FER: variants seen among roughly 807,000 people sequenced by gnomAD.
The protein encoded by FER is tyrosine-protein kinase Fer.
A neutral mutation model predicts 111.0 loss-of-function variants in FER; 63 were observed. The ratio of observed to expected loss-of-function variants is 0.57; its 90% CI spans 0.46 to 0.70. The LOEUF (loss-of-function observed/expected upper bound fraction) is 0.70, where lower values mean the gene tolerates loss of function less well. Ranked by LOEUF, FER falls within the 30% of genes least tolerant of loss-of-function variation. FER has a pLI of 0.00. For synonymous variants in FER, 327 were observed against 313.9 expected (o/e 1.04, Z -0.44); for missense variants, 914 against 954.0 (o/e 0.96, Z 0.55).
chr5:109,036,281 CTTTATA>C (rs1770389825), intron 13 of FER, among the ~76,000 whole-genome samples: 1 of 151,998 alleles, frequency 6.6e-6, no homozygotes, highest in African/African-American at 2.4e-5. Flanking sequence ...ATAGCATTAA[CTTTATA>C]TTTAGGTGAA....
chr5:108,960,248 G>C (rs180939957), intron 13 of FER, among the ~76,000 whole-genome samples: 12 of 152,120 alleles, frequency 7.9e-5, no homozygotes, highest in East Asian at 3.9e-4. Context: ...TAAAAAACAA[G>C]TATTTTATTT....
At chr5:109,165,562 G>C (rs1349442503) in intron 17 of FER, among the ~76,000 whole-genome samples, 1 of 151,716 alleles carries the variant, frequency 6.6e-6, no homozygotes, top group Non-Finnish European at 1.5e-5. Context: ...GGGAAATAAA[G>C]TGCACACCAC....
intron 10 of FER, among the ~76,000 whole-genome samples, chr5:108,905,653 A>T (rs1431123434): frequency 1.3e-5 from 2 of 152,176 alleles, no homozygotes; most frequent in Non-Finnish European, 2.9e-5. Context: ...GACATGAAGC[A>T]CAAGTAATTG....
chr5:108,813,106 G>GA (rs1226400099), intron 3 of FER, among the ~76,000 whole-genome samples: 1 of 151,826 alleles, frequency 6.6e-6, no homozygotes, highest in Non-Finnish European at 1.5e-5. Context: ...CAAGTCTATT[G>GA]AAAAAAATTT....
chr5:108,946,302 A>ATGTG (rs111943459), intron 11 of FER, 80 bp downstream of exon 11: 4 of 859,026 alleles, frequency 4.7e-6, no homozygotes, highest in East Asian at 2.5e-5. Flanking sequence ...ATATATATAT[A>ATGTG]TGTGTGTGTG....
intron 13 of FER, among the ~76,000 whole-genome samples, chr5:108,983,518 T>G (rs1400307297): frequency 6.6e-6 from 1 of 152,110 alleles, no homozygotes; most frequent in East Asian, 1.9e-4. Flanking sequence ...AAGTAGTAAA[T>G]TAATTTTTGT....
intron 9 of FER, among the ~76,000 whole-genome samples, chr5:108,887,270 C>A (rs1369671365): frequency 1.3e-5 from 2 of 151,560 alleles, no homozygotes; most frequent in Non-Finnish European, 3.0e-5. Context: ...AAATATGAGA[C>A]TAAAACCACA....
At chr5:109,003,125 C>T (rs915424277) in intron 13 of FER, among the ~76,000 whole-genome samples, 15 of 151,984 alleles carry the variant, frequency 9.9e-5, no homozygotes, top group African/African-American at 3.6e-4. Context: ...GGGTATATAC[C>T]CAAAGGACTA....
chr5:109,174,032 A>G (rs1455407927), intron 17 of FER, among the ~76,000 whole-genome samples: 1 of 152,192 alleles, frequency 6.6e-6, no homozygotes, highest in Non-Finnish European at 1.5e-5. Context: ...CAGTTCTTCA[A>G]AGAGAGAGAA....
At chr5:108,843,130 A>T (rs1296413844) in intron 5 of FER, 1 of 152,232 alleles carries the variant, frequency 6.6e-6, no homozygotes, top group African/African-American at 2.4e-5. Context: ...TTGCATCCTC[A>T]GAGCTTAGCT....
chr5:108,832,992 C>A, intron 4 of FER, 49 bp downstream of exon 4: 1 of 1,482,158 alleles, frequency 6.7e-7, no homozygotes. Context: ...TTTCCAAATT[C>A]ACAGAAATAT....
At chr5:109,163,671 TCCTGCGCTCGA>T (rs1187572267) in intron 17 of FER, among the ~76,000 whole-genome samples, 1 of 152,110 alleles carries the variant, frequency 6.6e-6, no homozygotes, top group Non-Finnish European at 1.5e-5. Flanking sequence ...GGTCTTGAAC[TCCTGCGCTCGA>T]TCCTCCTGCC....
chr5:108,947,103 A>T (rs766574906), intron 11 of FER, among the ~76,000 whole-genome samples: 3 of 151,988 alleles, frequency 2.0e-5, no homozygotes, highest in Non-Finnish European at 4.4e-5. Flanking sequence ...CAGCTGATGG[A>T]CATTTGGTTG....
chr5:108,882,015 G>A (rs1765727972), intron 8 of FER, among the ~76,000 whole-genome samples: 1 of 152,012 alleles, frequency 6.6e-6, no homozygotes, highest in African/African-American at 2.4e-5. Flanking sequence ...TTGTATCTTA[G>A]AAAAACCTTA....
chr5:109,047,558 A>G lies in FER; in HGVS notation c.1924+360A>G, dbSNP rs6891337. ...TTAGTTCACTGTATATCATTTTCCA[A>G]GTACATCTCCACACAACCTCTCTTC... On this transcript the variant is annotated intron_variant, in intron 16 of 19. Transcript: ENST00000281092. Among the ~76,000 whole-genome samples, 1,083 of 152,280 alleles carry G rather than the reference A, an allele frequency of 7.1e-3. 16 individuals are homozygous for G. The highest frequency in any genetic ancestry group is 0.025 in the African/African-American group (1,045 of 41,538).
At chr5:109,133,695 G>A (rs2126590223) in intron 17 of FER, among the ~76,000 whole-genome samples, 1 of 152,226 alleles carries the variant, frequency 6.6e-6, no homozygotes, top group East Asian at 1.9e-4. Flanking sequence ...CTCCATTTAT[G>A]TGATAATTGT....
At chr5:108,758,041 T>A (rs1486618141) in intron 1 of FER, among the ~76,000 whole-genome samples, 1 of 152,152 alleles carries the variant, frequency 6.6e-6, no homozygotes, top group Non-Finnish European at 1.5e-5. Context: ...ATGAAGATGG[T>A]GAAGAGATAG....
intron 17 of FER, among the ~76,000 whole-genome samples, chr5:109,173,451 C>T (rs951053322): frequency 6.6e-6 from 1 of 152,164 alleles, no homozygotes; most frequent in African/African-American, 2.4e-5. Flanking sequence ...ACGAAATAAC[C>T]CGATAGAGAA....
intron 5 of FER, among the ~76,000 whole-genome samples, chr5:108,865,897 C>T (rs1435781575): frequency 3.9e-5 from 6 of 152,172 alleles, no homozygotes; most frequent in Non-Finnish European, 8.8e-5. Flanking sequence ...TACCATCTCA[C>T]ACCAGTTAGA....
Sources: gnomAD v4.1 joint callset for allele counts (sites outside exome capture counted in the v4.1 genomes callset) on GRCh38, gnomAD v4.1.1 for gene constraint, MANE v1.5 for transcripts, NCBI Gene and HGNC (gene_info 2026-07-23, HGNC 2026-07-21) for gene names.